RIMS1: variants seen among roughly 807,000 people sequenced by gnomAD.
The protein encoded by RIMS1 is regulating synaptic membrane exocytosis 1.
RIMS1 carries 83 observed loss-of-function variants against 214.1 expected under a neutral mutation model. That is an observed-to-expected ratio of 0.39 (90% CI 0.32 to 0.47). The LOEUF (loss-of-function observed/expected upper bound fraction) is 0.47. Ranked by LOEUF, RIMS1 falls within the 20% of genes least tolerant of loss-of-function variation. RIMS1 has a pLI of 0.99. For missense variants in RIMS1, 2,050 were observed against 2,161.8 expected (o/e 0.95, Z 1.03); for synonymous variants, 793 against 786.8 (o/e 1.01, Z -0.13).
At chr6:72,038,228 A>G (rs1034272343) in intron 2 of RIMS1, among the ~76,000 whole-genome samples, 4 of 148,106 alleles carry the variant, frequency 2.7e-5, no homozygotes, top group African/African-American at 5.0e-5. Flanking sequence ...AGGTTAAACA[A>G]CAGAGATATG....
At position 72,313,505 on chromosome 6, in the gene RIMS1, G is replaced by A. The variant is rs753777907; in HGVS notation, c.3964-1G>A. On this transcript the variant is annotated splice_acceptor_variant, in intron 27 of 33. Transcript: ENST00000521978. LOFTEE classifies it high-confidence loss of function. ...CACACTTTCTTGTTTTTAATCTTTA[G>A]TATAACATACATAAAGATCAGTACA... The A allele has an allele frequency of 1.2e-6, 2 of 1,611,726 alleles. No homozygotes were observed. Among genetic ancestry groups the A allele is most frequent in the Non-Finnish European group, 1.7e-6 (2 of 1,178,650 alleles).
chr6:72,183,569 G>GTT (rs3046908), intron 6 of RIMS1, among the ~76,000 whole-genome samples: 30,773 of 142,760 alleles, frequency 0.22, 4,121 homozygotes, highest in Non-Finnish European at 0.31. Flanking sequence ...TGCAAAGGTA[G>GTT]TTTTTTTTTT....
intron 2 of RIMS1, among the ~76,000 whole-genome samples, chr6:72,031,785 A>G (rs1409264198): frequency 6.6e-6 from 1 of 152,098 alleles, no homozygotes. Flanking sequence ...TTATTTATTT[A>G]TTACTCAAAT....
chr6:72,240,494 A>G (rs1025766958), intron 9 of RIMS1, among the ~76,000 whole-genome samples: 5 of 151,844 alleles, frequency 3.3e-5, no homozygotes, highest in African/African-American at 1.2e-4. Flanking sequence ...TAATATGAAT[A>G]TATATACACA....
chr6:72,066,318 A>G (rs1481889746), intron 2 of RIMS1, among the ~76,000 whole-genome samples: 2 of 152,204 alleles, frequency 1.3e-5, no homozygotes, highest in Non-Finnish European at 2.9e-5. Context: ...GTGACTTGAT[A>G]AAATATTTCC....
At position 71,933,682 on chromosome 6, in the gene RIMS1, TCACACACACA is replaced by T. The variant is rs10642216; in HGVS notation, c.165-35274_165-35265del. ...TAAATGTCTATCAGCTCTTCCTCAA[TCACACACACA>T]CACACACACACACACACACACACAC... is the stretch of plus-strand genomic sequence containing the variant. On this transcript the variant is annotated intron_variant, in intron 1 of 33. Transcript: ENST00000521978. Among the ~76,000 whole-genome samples the T allele has an allele frequency of 4.7e-3, 654 of 139,310 alleles. 3 individuals carry two copies. Among genetic ancestry groups the T allele is most frequent in the African/African-American group, 0.017 (627 of 36,992 alleles). The allele number at this position is 139,310 out of a possible 152,430, so 91.4% of individuals were successfully genotyped here. A position where few individuals can be genotyped will look rare whatever the true frequency, so the allele number is the denominator to read the frequency against.
intron 2 of RIMS1, among the ~76,000 whole-genome samples, chr6:72,044,952 C>G (rs1822521327): frequency 6.6e-6 from 1 of 151,848 alleles, no homozygotes. Flanking sequence ...GTAAACAACT[C>G]AAATGTCTTG....
intron 6 of RIMS1, chr6:72,212,843 C>T (rs2054058452): frequency 1.8e-6 from 2 of 1,099,424 alleles, no homozygotes; most frequent in African/African-American, 3.3e-5. Flanking sequence ...ACCACCAGGC[C>T]CACCGAAGCT....
intron 22 of RIMS1, among the ~76,000 whole-genome samples, chr6:72,272,663 A>G (rs1010871746): frequency 2.6e-5 from 4 of 152,264 alleles, no homozygotes; most frequent in Middle Eastern, 3.4e-3. Context: ...TTAAATAAGC[A>G]CAAGGACTGG....
intron 2 of RIMS1, among the ~76,000 whole-genome samples, chr6:71,993,543 A>G (rs1802512303): frequency 6.6e-6 from 1 of 152,182 alleles, no homozygotes; most frequent in African/African-American, 2.4e-5. Flanking sequence ...GTAGAAATTA[A>G]CCATGGAGTG....
At chr6:71,911,112 T>C (rs773337242) in intron 1 of RIMS1, among the ~76,000 whole-genome samples, 9 of 152,180 alleles carry the variant, frequency 5.9e-5, no homozygotes, top group African/African-American at 2.2e-4. Context: ...ACAAACATCA[T>C]AGTACGTCCC....
chr6:72,372,936 A>G (rs566277660), intron 29 of RIMS1, among the ~76,000 whole-genome samples: 1 of 152,260 alleles, frequency 6.6e-6, no homozygotes, highest in Non-Finnish European at 1.5e-5. Flanking sequence ...AATAAAGGAC[A>G]CAGTCCACTG....
At chr6:71,937,972 G>T (rs1485751275) in intron 1 of RIMS1, among the ~76,000 whole-genome samples, 1 of 152,046 alleles carries the variant, frequency 6.6e-6, no homozygotes, top group Non-Finnish European at 1.5e-5. Flanking sequence ...GAGACTCAAG[G>T]CATGATTCGT....
chr6:72,004,850 G>A (rs1414738664), intron 2 of RIMS1, among the ~76,000 whole-genome samples: 1 of 151,098 alleles, frequency 6.6e-6, no homozygotes, highest in Non-Finnish European at 1.5e-5. Flanking sequence ...AGTTTCTTTT[G>A]CTGTGCAGAA....
chr6:71,939,537 AG>A (rs1785412740), intron 1 of RIMS1, among the ~76,000 whole-genome samples: 1 of 152,226 alleles, frequency 6.6e-6, no homozygotes, highest in Non-Finnish European at 1.5e-5. Flanking sequence ...TATTAAAAAT[AG>A]AGGTATATTT....
At chr6:72,036,127 T>C (rs953917339) in intron 2 of RIMS1, among the ~76,000 whole-genome samples, 1 of 152,168 alleles carries the variant, frequency 6.6e-6, no homozygotes, top group Non-Finnish European at 1.5e-5. Context: ...CAATTTCCTT[T>C]ATGTTAGTCT....
chr6:71,905,887 A>G (rs1187493715), intron 1 of RIMS1, among the ~76,000 whole-genome samples: 1 of 152,144 alleles, frequency 6.6e-6, no homozygotes, highest in East Asian at 1.9e-4. Context: ...CTGCAAAAAG[A>G]AATATCTGAT....
chr6:72,334,079 C>T (rs1398547612), intron 29 of RIMS1, among the ~76,000 whole-genome samples: 1 of 151,698 alleles, frequency 6.6e-6, no homozygotes, highest in African/African-American at 2.4e-5. Flanking sequence ...AAATTAAGGT[C>T]ATATTTGCAA....
intron 23 of RIMS1, among the ~76,000 whole-genome samples, chr6:72,280,866 A>G (rs996726580): frequency 6.6e-6 from 1 of 152,140 alleles, no homozygotes; most frequent in African/African-American, 2.4e-5. Context: ...AAGTAATGCA[A>G]AAAACATAGT....
Sources: allele counts gnomAD v4.1 joint callset (sites outside exome capture counted in the v4.1 genomes callset), GRCh38; gene constraint gnomAD v4.1.1; transcripts MANE v1.5; gene names NCBI Gene and HGNC (gene_info 2026-07-23, HGNC 2026-07-21).